The following BANK1 variants were observed in gnomAD, a reference collection of about 807,000 sequenced individuals.
BANK1 encodes the protein B-cell scaffold protein with ankyrin repeats.
Under a neutral mutation model 94.5 loss-of-function variants are expected in BANK1, and 95 were observed. The ratio of observed to expected loss-of-function variants is 1.00; its 90% CI spans 0.85 to 1.19. The LOEUF is 1.19. Ranked by LOEUF, BANK1 falls within the 50% of genes most tolerant of loss-of-function variation. The probability of loss-of-function intolerance (pLI) is 0.00; values close to 1 mark genes in which losing one functional copy is unlikely to be tolerated. For missense variants in BANK1, 987 were observed against 932.2 expected (o/e 1.06, Z -0.77); for synonymous variants, 334 against 308.4 (o/e 1.08, Z -0.87).
intron 7 of BANK1, among the ~76,000 whole-genome samples, chr4:102,017,682 G>A (rs1320704398): frequency 1.3e-5 from 2 of 152,188 alleles, no homozygotes; most frequent in Non-Finnish European, 2.9e-5. Flanking sequence ...CTACAAAGCA[G>A]GGGATCAAAC....
chr4:102,064,585 A>G (rs925877369), intron 13 of BANK1, among the ~76,000 whole-genome samples: 1 of 152,164 alleles, frequency 6.6e-6, no homozygotes, highest in Non-Finnish European at 1.5e-5. Context: ...TTCAAAATCA[A>G]TGCTCTTAAT....
chr4:102,016,247 T>A (rs1419858418), intron 7 of BANK1, among the ~76,000 whole-genome samples: 2 of 152,216 alleles, frequency 1.3e-5, no homozygotes, highest in African/African-American at 4.8e-5. Flanking sequence ...TGTTTCATTT[T>A]GCCTAATCTA....
chr4:101,956,763 T>C (rs1241041894), intron 7 of BANK1, among the ~76,000 whole-genome samples: 1 of 152,244 alleles, frequency 6.6e-6, no homozygotes, highest in Non-Finnish European at 1.5e-5. Context: ...TTGAAATTTG[T>C]AATGAAACTG....
At chr4:102,033,948 A>G (rs1219332258) in intron 10 of BANK1, among the ~76,000 whole-genome samples, 1 of 152,058 alleles carries the variant, frequency 6.6e-6, no homozygotes, top group Non-Finnish European at 1.5e-5. Flanking sequence ...CTGTTCCCAC[A>G]TTAGGAAGAG....
Position 101,908,087 on chromosome 4 carries a change from C to T in BANK1, c.1010-9906C>T, listed in dbSNP as rs572371502. Reference sequence around the variant, plus strand: ...GGTCATATGGAACCAAAAAAGAGCCCGCATTGCCAAGTCAATCCTAAACCA... The same window carrying T: ...GGTCATATGGAACCAAAAAAGAGCCTGCATTGCCAAGTCAATCCTAAACCA... On this transcript the variant is annotated intron_variant, in intron 6 of 16. Transcript: ENST00000322953. Among the ~76,000 whole-genome samples the T allele has an allele frequency of 5.6e-3, 854 of 152,276 alleles. 11 individuals carry two copies. The highest frequency in any genetic ancestry group is 0.019 in the African/African-American group (794 of 41,570).
At chr4:101,852,573 A>G (rs1170131127) in intron 2 of BANK1, among the ~76,000 whole-genome samples, 4 of 148,474 alleles carry the variant, frequency 2.7e-5, no homozygotes. Context: ...ATAGCTCTGT[A>G]TATGTACAGT....
At chr4:101,935,542 G>A (rs554229553) in intron 7 of BANK1, among the ~76,000 whole-genome samples, 2 of 151,590 alleles carry the variant, frequency 1.3e-5, no homozygotes, top group Admixed American at 6.6e-5. Context: ...AAGTGGGGGA[G>A]TTAAAAGGAA....
At chr4:101,825,828 A>C (rs879923823) in intron 1 of BANK1, among the ~76,000 whole-genome samples, 2 of 152,084 alleles carry the variant, frequency 1.3e-5, no homozygotes, top group Admixed American at 1.3e-4. Context: ...GACAAAATAT[A>C]AGTCAAATAA....
chr4:102,059,259 C>A (rs1490526927), intron 11 of BANK1, among the ~76,000 whole-genome samples: 1 of 152,152 alleles, frequency 6.6e-6, no homozygotes, highest in Admixed American at 6.5e-5. Flanking sequence ...TTAGGTAGGA[C>A]TGGCTATTCT....
At chr4:101,806,676 C>A (rs1451034456) in intron 1 of BANK1, among the ~76,000 whole-genome samples, 1 of 152,264 alleles carries the variant, frequency 6.6e-6, no homozygotes, top group East Asian at 1.9e-4. Flanking sequence ...TATCTCTGAT[C>A]TGAACAAAAA....
At chr4:101,973,021 A>G (rs1238411938) in intron 7 of BANK1, among the ~76,000 whole-genome samples, 2 of 151,910 alleles carry the variant, frequency 1.3e-5, no homozygotes, top group Non-Finnish European at 1.5e-5. Flanking sequence ...GATGATCACA[A>G]GGTACAAAAT....
At chr4:101,988,355 C>T (rs908608975) in intron 7 of BANK1, among the ~76,000 whole-genome samples, 2 of 152,016 alleles carry the variant, frequency 1.3e-5, no homozygotes, top group African/African-American at 4.8e-5. Flanking sequence ...CCTATAATTT[C>T]GCTTGTAGGG....
chr4:102,028,398 T>G (rs1041173151), intron 9 of BANK1, among the ~76,000 whole-genome samples: 6 of 152,204 alleles, frequency 3.9e-5, no homozygotes, highest in Non-Finnish European at 7.3e-5. Flanking sequence ...ACTTCTTAAG[T>G]TAAACTAAAT....
intron 7 of BANK1, among the ~76,000 whole-genome samples, chr4:101,964,666 T>G (rs925141855): frequency 2.0e-5 from 3 of 152,090 alleles, no homozygotes; most frequent in Admixed American, 6.6e-5. Context: ...ACTTCTTTAC[T>G]GAAATGACTT....
At chr4:102,012,683 C>T (rs1451815571) in intron 7 of BANK1, among the ~76,000 whole-genome samples, 1 of 152,068 alleles carries the variant, frequency 6.6e-6, no homozygotes, top group Non-Finnish European at 1.5e-5. Context: ...TTGCTTGCTC[C>T]TCTGTGTTTA....
rs1233035249 is a variant in BANK1 at position 101,864,128 on chromosome 4, C to T, written c.763+1464C>T. Among the ~76,000 whole-genome samples, 4 of 152,022 alleles carry T rather than the reference C, an allele frequency of 2.6e-5. No homozygotes were observed. In the East Asian group the frequency reaches 7.7e-4, roughly 29 times the overall value. ...ACAAATCTGTAATAAATAAATAAAC[C>T]ACTGTTTACCAACTATCATAATTAA... On this transcript the variant is annotated intron_variant, in intron 4 of 16. Coordinates refer to ENST00000322953, the MANE Select transcript of BANK1 (RefSeq NM_017935.5).
At chr4:101,888,078 G>C (rs1728920668) in intron 5 of BANK1, among the ~76,000 whole-genome samples, 1 of 152,026 alleles carries the variant, frequency 6.6e-6, no homozygotes, top group Non-Finnish European at 1.5e-5. Context: ...ACACATTTAA[G>C]AACAGAGCAA....
chr4:101,903,790 G>T (rs1190243916), intron 6 of BANK1, among the ~76,000 whole-genome samples: 1 of 152,168 alleles, frequency 6.6e-6, no homozygotes, highest in African/African-American at 2.4e-5. Flanking sequence ...CCCTACGTAT[G>T]GTTACTTTCT....
At chr4:101,911,997 T>G (rs1235942659) in intron 6 of BANK1, among the ~76,000 whole-genome samples, 3 of 152,142 alleles carry the variant, frequency 2.0e-5, no homozygotes, top group African/African-American at 7.2e-5. Flanking sequence ...TAATATCCAT[T>G]CATTTTAATT....
Sources: gnomAD v4.1 joint callset for allele counts (sites outside exome capture counted in the v4.1 genomes callset) on GRCh38, gnomAD v4.1.1 for gene constraint, MANE v1.5 for transcripts, NCBI Gene and HGNC (gene_info 2026-07-23, HGNC 2026-07-21) for gene names.